The following HDAC2 variants were observed in gnomAD, a reference collection of about 807,000 sequenced individuals.
HDAC2 encodes the protein YY1-associated factor 1.
A neutral mutation model predicts 68.5 loss-of-function variants in HDAC2; 5 were observed. The observed-to-expected ratio is 0.07, with a 90% CI of 0.04 to 0.15. The LOEUF is 0.15. Ranked by LOEUF, HDAC2 falls within the 10% of genes least tolerant of loss-of-function variation. The pLI, the probability that HDAC2 is intolerant of heterozygous loss-of-function variation, is 1.00. For missense variants in HDAC2, 291 were observed against 600.8 expected, an observed-to-expected ratio of 0.48 and a Z score of 5.39; for synonymous variants, 182 against 191.3, an observed-to-expected ratio of 0.95 and a Z score of 0.40.
intron 5 of HDAC2, 81 bp downstream of exon 5, chr6:113,955,932 T>C (rs961203009): frequency 8.9e-6 from 9 of 1,013,208 alleles, no homozygotes; most frequent in Non-Finnish European, 1.3e-5. Flanking sequence ...CCTAATATTT[T>C]TTAAAGCCAT....
rs1466229775 is a variant in HDAC2 at position 113,964,396 on chromosome 6, C to T, written c.53-4378G>A. Among the ~76,000 whole-genome samples, 15 of 152,114 alleles carry T rather than the reference C, an allele frequency of 9.9e-5. 1 individual carries two copies. Among genetic ancestry groups the T allele is most frequent in the Admixed American group, 5.9e-4 (9 of 15,270 alleles). ...GGAGGTTATTCCTCCTTGAGACATT[C>T]GGAGCCTTGGCTTCCATAATACCAT... is the stretch of plus-strand genomic sequence containing the variant. On this transcript the variant is annotated intron_variant, in intron 1 of 13. Transcript: ENST00000519065.
intron 2 of HDAC2, among the ~76,000 whole-genome samples, chr6:113,959,392 A>C (rs964628127): frequency 1.3e-5 from 2 of 151,998 alleles, no homozygotes; most frequent in Non-Finnish European, 2.9e-5. Flanking sequence ...GTATTTGTTT[A>C]TACATACCCT....
intron 1 of HDAC2, among the ~76,000 whole-genome samples, chr6:113,962,168 T>G (rs1378974333): frequency 6.6e-6 from 1 of 152,172 alleles, no homozygotes; most frequent in Non-Finnish European, 1.5e-5. Flanking sequence ...CTTTTAATCT[T>G]GTCAATAACC....
In HDAC2 at chr6:113,949,308, A is replaced by C. The variant is rs774734710; in HGVS notation, c.640-48T>G. 1.7e-5 allele frequency: 21 copies of C among 1,218,644 alleles called. No homozygotes were observed. In the South Asian group the frequency reaches 2.7e-4, roughly 15 times the overall value. 75.5% of individuals were successfully genotyped at this position (1,218,644 alleles called of 1,614,324 possible). ...TCTTAGAGAATATTCTATAATAAAA[A>C]GTTTGGCATTTGTTTACTACATTTT... is the stretch of plus-strand genomic sequence containing the variant. On this transcript the variant is annotated intron_variant, in intron 6 of 13. Transcript: ENST00000519065.
rs753325805 is a variant in HDAC2, at chr6:113,948,957, TACC to T, written c.841+19_841+21del. 1.2e-6 allele frequency: 2 copies of T among 1,606,428 alleles called. No homozygotes were observed. The highest frequency in any genetic ancestry group is 1.7e-6 in the Non-Finnish European group (2 of 1,177,556). On this transcript the variant is annotated intron_variant, in intron 8 of 13. Transcript: ENST00000519065. ...AAGAAAAACCATTTTTTTCTGGAAATACCACCCTTTGAATTGCTTACCTTTGAC... is the reference window on the plus strand; with the variant it reads ...AAGAAAAACCATTTTTTTCTGGAAATACCCTTTGAATTGCTTACCTTTGAC...
Position 113,939,340 on chromosome 6 carries a change from G to A in HDAC2, c.*1718C>T, listed in dbSNP as rs1776074722. 1 of 151,996 alleles carries A rather than the reference G, an allele frequency of 6.6e-6. No individual in the cohort carries two copies. Among genetic ancestry groups the A allele is most frequent in the Non-Finnish European group, 1.5e-5 (1 of 68,020 alleles). 9.4% of individuals were successfully genotyped at this position (151,996 alleles called of 1,614,324 possible). On this transcript the variant is annotated 3_prime_UTR_variant, in exon 14 of 14. Coordinates refer to ENST00000519065, the MANE Select transcript of HDAC2 (RefSeq NM_001527.4). ...GCGAGGGATAAAAGATTACAAATAGGGTGCAGTGTACACTGCTTGGGTGAT... is the reference window on the plus strand; with the variant it reads ...GCGAGGGATAAAAGATTACAAATAGAGTGCAGTGTACACTGCTTGGGTGAT...
At chr6:113,967,714 G>A (rs1776856724) in intron 1 of HDAC2, among the ~76,000 whole-genome samples, 1 of 152,172 alleles carries the variant, frequency 6.6e-6, no homozygotes, top group Non-Finnish European at 1.5e-5. Context: ...TATAACTAGA[G>A]CCTAACACAG....
intron 1 of HDAC2, among the ~76,000 whole-genome samples, chr6:113,966,056 CG>C (rs531038764): frequency 1.6e-3 from 251 of 152,178 alleles, no homozygotes; most frequent in African/African-American, 5.5e-3. Context: ...ATAAAGATTC[CG>C]GATGTTGAAC....
At chr6:113,955,180 A>C (rs777780975) in intron 5 of HDAC2, among the ~76,000 whole-genome samples, 2 of 152,098 alleles carry the variant, frequency 1.3e-5, no homozygotes, top group Admixed American at 6.5e-5. Flanking sequence ...AAAAAAGGGT[A>C]TTTAATGGGA....
rs922982447 is a variant in HDAC2 at position 113,965,963 on chromosome 6, T to A, written c.52+4894A>T. Reference sequence around the variant, plus strand: ...CCAAGTGTTTTCCTTTAAGGACTTGTCAACAGAAGCATTTAAAGTTTTTGT... The same window carrying A: ...CCAAGTGTTTTCCTTTAAGGACTTGACAACAGAAGCATTTAAAGTTTTTGT... On this transcript the variant is annotated intron_variant, in intron 1 of 13. Transcript: ENST00000519065. 4.6e-5 allele frequency among the ~76,000 whole-genome samples: 7 copies of A among 152,188 alleles called. No individual in the cohort carries two copies. The South Asian group carries it at 1.4e-3, about 31-fold the overall frequency.
chr6:113,949,835 G>C (rs544409817), intron 6 of HDAC2, among the ~76,000 whole-genome samples: 3 of 151,716 alleles, frequency 2.0e-5, no homozygotes, highest in African/African-American at 7.3e-5. Flanking sequence ...GGCTGGAGGC[G>C]CAATGGCGTG....
rs1284618827 is a variant in HDAC2, at chr6:113,941,036, G to C, written c.*22C>G. On this transcript the variant is annotated 3_prime_UTR_variant, in exon 14 of 14. Transcript: ENST00000519065. The stretch of plus-strand genomic sequence containing the variant: ...AATATTTTCTTTTTAATGATTTTCT[G>C]AAATTGGTGAGACTGTCAAATTCAG... 1.3e-6 allele frequency: 2 copies of C among 1,589,446 alleles called. No individual in the cohort carries two copies. Among genetic ancestry groups the C allele is most frequent in the African/African-American group, 2.7e-5 (2 of 74,134 alleles).
chr6:113,968,914 G>A (rs561165786), intron 1 of HDAC2, among the ~76,000 whole-genome samples: 59 of 152,248 alleles, frequency 3.9e-4, no homozygotes, highest in Non-Finnish European at 7.8e-4. Flanking sequence ...ATTACAAGCA[G>A]CTTACTTCCT....
In HDAC2 at chr6:113,940,300, T is replaced by C. The variant is rs1776101102; in HGVS notation, c.*758A>G. The C allele has an allele frequency of 6.6e-6, 1 of 152,198 alleles. No individual in the cohort carries two copies. Among genetic ancestry groups the C allele is most frequent in the Non-Finnish European group, 1.5e-5 (1 of 68,022 alleles). The allele number at this position is 152,198 out of a possible 1,614,324, so 9.4% of individuals were successfully genotyped here. On this transcript the variant is annotated 3_prime_UTR_variant, in exon 14 of 14. Coordinates refer to ENST00000519065, the MANE Select transcript of HDAC2 (RefSeq NM_001527.4). ...TAAATGCAGTAAAAGAAACAGGTTT[T>C]GTCTGCAGGTTCCATTTTAAACCAG... is the stretch of plus-strand genomic sequence containing the variant.
chr6:113,935,779 T>C lies in HDAC2; in HGVS notation c.*5279A>G, dbSNP rs1265559864. Reference sequence around the variant, plus strand: ...AAGGTGTCTTCTGTCCTTAACTGTTTGTTCTACTAAAAAAGAATTTTTCAT... The same window carrying C: ...AAGGTGTCTTCTGTCCTTAACTGTTCGTTCTACTAAAAAAGAATTTTTCAT... On this transcript the variant is annotated 3_prime_UTR_variant, in exon 14 of 14. Coordinates refer to ENST00000519065, the MANE Select transcript of HDAC2 (RefSeq NM_001527.4). 1 of 152,202 alleles carries C rather than the reference T, an allele frequency of 6.6e-6. No individual in the cohort carries two copies. The highest frequency in any genetic ancestry group is 6.5e-5 in the Admixed American group (1 of 15,282). 9.4% of individuals were successfully genotyped at this position (152,202 alleles called of 1,614,324 possible).
rs142686823 is a variant in HDAC2 at position 113,944,636 on chromosome 6, C to T, written c.1092-226G>A. Among the ~76,000 whole-genome samples the T allele has an allele frequency of 1.0e-3, 159 of 152,292 alleles. 1 individual carries two copies. Among genetic ancestry groups the T allele is most frequent in the African/African-American group, 3.7e-3 (153 of 41,562 alleles). On this transcript the variant is annotated intron_variant, in intron 10 of 13. Coordinates refer to ENST00000519065, the MANE Select transcript of HDAC2 (RefSeq NM_001527.4). ...CCTCAGCCTCTGCGCGTTAGGACTA[C>T]AAGTGTATGCCACCATGCCCGGCTA...
chr6:113,960,104 G>C, intron 1 of HDAC2, 86 bp from the exon 2 acceptor site: 1 of 737,340 alleles, frequency 1.4e-6, no homozygotes, highest in Non-Finnish European at 2.4e-6. Flanking sequence ...ATCATTAGAA[G>C]GCATTTACTA....
In HDAC2 at chr6:113,936,127, T is replaced by G. The variant is rs1476273717; in HGVS notation, c.*4931A>C. On this transcript the variant is annotated 3_prime_UTR_variant, in exon 14 of 14. Coordinates refer to ENST00000519065, the MANE Select transcript of HDAC2 (RefSeq NM_001527.4). ...ACTTAGAAATTAGTGTTATAATTCT[T>G]ATAGGAAAACCTAAATCAGTAAACT... The G allele has an allele frequency of 2.0e-5, 3 of 152,232 alleles. No homozygotes were observed. Among genetic ancestry groups the G allele is most frequent in the African/African-American group, 4.8e-5 (2 of 41,468 alleles). The allele number at this position is 152,232 out of a possible 1,614,324, so 9.4% of individuals were successfully genotyped here. A position where few individuals can be genotyped will look rare whatever the true frequency, so the allele number is the denominator to read the frequency against.
intron 3 of HDAC2, among the ~76,000 whole-genome samples, chr6:113,958,154 C>A (rs1426008524): frequency 6.6e-6 from 1 of 152,170 alleles, no homozygotes; most frequent in Non-Finnish European, 1.5e-5. Context: ...CAATTTGTTA[C>A]TAATCTCTAA....
Sources: gnomAD v4.1 joint callset for allele counts (sites outside exome capture counted in the v4.1 genomes callset) on GRCh38, gnomAD v4.1.1 for gene constraint, MANE v1.5 for transcripts, NCBI Gene and HGNC (gene_info 2026-07-23, HGNC 2026-07-21) for gene names.